The following CCPG1 variants were observed in gnomAD, a reference collection of about 807,000 sequenced individuals.
CCPG1 encodes the protein cell cycle progression 1.
Under a neutral mutation model 81.3 loss-of-function variants are expected in CCPG1, and 46 were observed. That is an observed-to-expected ratio of 0.57 (90% CI 0.45 to 0.72). The LOEUF is 0.72. CCPG1 is among the 30% of genes least tolerant of loss of function. CCPG1 has a pLI of 0.00. For missense variants in CCPG1, 902 were observed against 937.6 expected, an observed-to-expected ratio of 0.96 and a Z score of 0.50; for synonymous variants, 330 against 305.2, an observed-to-expected ratio of 1.08 and a Z score of -0.85.
At chr15:55,400,882 G>A (rs531478845) in intron 1 of CCPG1, among the ~76,000 whole-genome samples, 1 of 152,236 alleles carries the variant, frequency 6.6e-6, no homozygotes, top group South Asian at 2.1e-4. Flanking sequence ...TTCCTTATAA[G>A]TTGGGTCATG....
chr15:55,394,498 G>A (rs1443344975), intron 1 of CCPG1, among the ~76,000 whole-genome samples: 2 of 151,946 alleles, frequency 1.3e-5, no homozygotes, highest in Non-Finnish European at 2.9e-5. Context: ...CCCTTTGCCT[G>A]CTCCCATCTT....
intron 8 of CCPG1, chr15:55,358,711 T>C: frequency 2.0e-6 from 2 of 985,452 alleles, no homozygotes; most frequent in Non-Finnish European, 2.4e-6. Context: ...TTAATTTCAT[T>C]TATTTACTTA....
intron 3 of CCPG1, among the ~76,000 whole-genome samples, chr15:55,383,292 G>A (rs1232763054): frequency 6.6e-6 from 1 of 152,164 alleles, no homozygotes; most frequent in African/African-American, 2.4e-5. Flanking sequence ...TCAACACTGA[G>A]CTTAAAATAT....
chr15:55,405,259 G>A (rs1185848217), intron 1 of CCPG1, among the ~76,000 whole-genome samples: 1 of 152,196 alleles, frequency 6.6e-6, no homozygotes, highest in African/African-American at 2.4e-5. Context: ...CTACTCGGGA[G>A]GGTGAGGCGG....
At chr15:55,378,887 G>A (rs1038486690) in intron 3 of CCPG1, among the ~76,000 whole-genome samples, 1 of 152,020 alleles carries the variant, frequency 6.6e-6, no homozygotes, top group Non-Finnish European at 1.5e-5. Context: ...ATGAGCCATC[G>A]TGCCCAGCCA....
chr15:55,398,595 T>C (rs993217501), intron 1 of CCPG1, among the ~76,000 whole-genome samples: 2 of 152,074 alleles, frequency 1.3e-5, no homozygotes, highest in African/African-American at 4.8e-5. Flanking sequence ...AAACTTTTTT[T>C]TTTTTGAGAC....
chr15:55,380,584 C>T (rs566444553), intron 3 of CCPG1, among the ~76,000 whole-genome samples: 4 of 151,942 alleles, frequency 2.6e-5, no homozygotes, highest in Non-Finnish European at 5.9e-5. Flanking sequence ...CATGAGCTAC[C>T]GCGCCCGGTC....
intron 1 of CCPG1, among the ~76,000 whole-genome samples, chr15:55,395,948 G>A (rs2141332929): frequency 6.6e-6 from 1 of 152,224 alleles, no homozygotes; most frequent in East Asian, 1.9e-4. Flanking sequence ...GAGGTCAGGA[G>A]TTAAAGACCA....
At chr15:55,362,693 A>G (rs994824691) in intron 7 of CCPG1, among the ~76,000 whole-genome samples, 2 of 152,292 alleles carry the variant, frequency 1.3e-5, no homozygotes, top group African/African-American at 2.4e-5. Flanking sequence ...TCTTCCAAAG[A>G]GCTTCAAAAT....
intron 1 of CCPG1, among the ~76,000 whole-genome samples, chr15:55,393,535 C>T (rs2056962714): frequency 6.6e-6 from 1 of 152,196 alleles, no homozygotes; most frequent in South Asian, 2.1e-4. Flanking sequence ...AAAATATGAG[C>T]ATCTGAACTT....
Position 55,356,068 on chromosome 15 carries a change from G to T in CCPG1, c.*152C>A. On this transcript the variant is annotated 3_prime_UTR_variant, in exon 9 of 9. Transcript: ENST00000442196. ...GCAGGTTAGTAGACTTTTAACTAAT[G>T]CTTCTGAGGAATAATATAAAGTTAT... 3 of 621,640 alleles carry T rather than the reference G, an allele frequency of 4.8e-6. No individual in the cohort carries two copies. The highest frequency in any genetic ancestry group is 7.8e-6 in the Non-Finnish European group (3 of 383,328). 38.5% of individuals were successfully genotyped at this position (621,640 alleles called of 1,614,324 possible).
intron 1 of CCPG1, 111 bp from the exon 2 acceptor site, chr15:55,389,544 C>A (rs943682177): frequency 5.5e-6 from 4 of 722,480 alleles, no homozygotes; most frequent in Non-Finnish European, 1.0e-5. Context: ...CCAGGTGAAA[C>A]AGAGACAAGC....
chr15:55,382,676 ATTGT>A (rs1253740121), intron 3 of CCPG1, among the ~76,000 whole-genome samples: 1 of 151,904 alleles, frequency 6.6e-6, no homozygotes, highest in East Asian at 1.9e-4. Context: ...CGCCCAGCTA[ATTGT>A]TTGTATTTTT....
chr15:55,367,529 A>G lies in CCPG1; in HGVS notation c.707-2220T>C, dbSNP rs148071440. Among the ~76,000 whole-genome samples, 204 of 152,070 alleles carry G rather than the reference A, an allele frequency of 1.3e-3. 2 individuals carry two copies. Among genetic ancestry groups the G allele is most frequent in the African/African-American group, 4.7e-3 (196 of 41,498 alleles). On this transcript the variant is annotated intron_variant, in intron 6 of 8. Transcript: ENST00000442196. ...GCTGTCAGATTTTGCTATCACTCCT[A>G]TTAAGAATTCCAAGCTACAGATCTT... is the stretch of plus-strand genomic sequence containing the variant.
Position 55,359,699 on chromosome 15 carries a change from G to T in CCPG1, c.2074C>A (p.His692Asn). The T allele has an allele frequency of 6.2e-7, 1 of 1,613,556 alleles. No individual in the cohort carries two copies. Among genetic ancestry groups the T allele is most frequent in the Non-Finnish European group, 8.5e-7 (1 of 1,179,882 alleles). The change falls in exon 8 of 9, where the codon CAT becomes AAT. Residue 692 changes from histidine (H) to asparagine (N), a missense_variant. Physicochemically the swap from His to Asn is moderately conservative, Grantham distance 68 (BLOSUM62 1). Coordinates refer to ENST00000442196, the MANE Select transcript of CCPG1 (RefSeq NM_001204450.2). ...NKFFLNGVFI[H>N]DQKLFTDFVN... is the part of the protein sequence containing the mutation. ...AAGTCAGTGAAGAGCTTCTGATCAT[G>T]TATAAAGACACCGTTTAGGAAAAAC... is the stretch of plus-strand genomic sequence containing the variant.
chr15:55,376,991 A>G lies in CCPG1; in HGVS notation c.412T>C (p.Ser138Pro). 6.2e-7 allele frequency: 1 copy of G among 1,613,736 alleles called. No individual in the cohort carries two copies. The highest frequency in any genetic ancestry group is 8.5e-7 in the Non-Finnish European group (1 of 1,179,966). Residue 138 changes from serine (S) to proline (P), a missense_variant, in exon 5 of 9, where the codon TCT becomes CCT. Around this residue, in one of 3 missense-constraint regions of CCPG1, gnomAD observed 746 missense variants for 728.6 expected, o/e 1.02. Coordinates refer to ENST00000442196, the MANE Select transcript of CCPG1 (RefSeq NM_001204450.2). ...AQSSEDFNMG[S>P]SSSSQYTFCQ... is the part of the protein sequence containing the mutation. ...AAAGTATACTGGCTGCTAGAGGAAG[A>G]GCCCATGTTAAAGTCTTCTGAACTC...
chr15:55,395,109 G>A lies in CCPG1; in HGVS notation c.-9-5676C>T, dbSNP rs551699356. 7.2e-5 allele frequency among the ~76,000 whole-genome samples: 11 copies of A among 152,130 alleles called. 1 individual carries two copies. In the South Asian group the frequency reaches 2.3e-3, roughly 32 times the overall value. On this transcript the variant is annotated intron_variant, in intron 1 of 8. Transcript: ENST00000442196. Reference sequence around the variant, plus strand: ...GTCTCTGTGATTGGCTTTCTGTGCGGCAAGCAGCAGGACCTAGACCAAACC... The same window carrying A: ...GTCTCTGTGATTGGCTTTCTGTGCGACAAGCAGCAGGACCTAGACCAAACC...
intron 2 of CCPG1, among the ~76,000 whole-genome samples, chr15:55,387,857 T>TA (rs1454096973): frequency 7.2e-6 from 1 of 138,448 alleles, no homozygotes; most frequent in African/African-American, 2.6e-5. Flanking sequence ...TAATTTTTAT[T>TA]AAAAAAACAA....
chr15:55,405,362 CAAAA>C (rs954374936), intron 1 of CCPG1, among the ~76,000 whole-genome samples: 1 of 149,960 alleles, frequency 6.7e-6, no homozygotes, highest in African/African-American at 2.4e-5. Context: ...AACTCCGTCT[CAAAA>C]AAAAATTTAG....
Sources: gnomAD v4.1 joint callset for allele counts (sites outside exome capture counted in the v4.1 genomes callset) on GRCh38, gnomAD v4.1.1 for gene constraint, gnomAD v4.1.1 regional missense constraint, MANE v1.5 for transcripts, NCBI Gene and HGNC (gene_info 2026-07-23, HGNC 2026-07-21) for gene names.